The following NLRC4 variants were observed in gnomAD, a reference collection of about 807,000 sequenced individuals.
NLRC4 encodes NLR family CARD domain containing 4, also known as NLR family CARD domain-containing protein 4.
Under a neutral mutation model 79.9 loss-of-function variants are expected in NLRC4, and 63 were observed. That is an observed-to-expected ratio of 0.79 (90% CI 0.64 to 0.97). The LOEUF (loss-of-function observed/expected upper bound fraction) is 0.97, where lower values mean the gene tolerates loss of function less well. NLRC4 is among the 50% of genes least tolerant of loss of function. The pLI is 0.00. For synonymous variants in NLRC4, 461 were observed against 456.5 expected, an observed-to-expected ratio of 1.01 and a Z score of -0.12; for missense variants, 1,074 against 1,215.2, an observed-to-expected ratio of 0.88 and a Z score of 1.73.
intron 1 of NLRC4, among the ~76,000 whole-genome samples, chr2:32,262,169 G>A (rs978668843): frequency 2.0e-5 from 3 of 152,124 alleles, no homozygotes; most frequent in African/African-American, 4.8e-5. Context: ...TCAGGATTGC[G>A]TTCAAACTAC....
At position 32,251,389 on chromosome 2, in the gene NLRC4, GCAGGAGGC is replaced by G; in HGVS notation, c.467_474del (p.Gly156AlafsTer10). The G allele has an allele frequency of 6.2e-7, 1 of 1,614,072 alleles. No individual in the cohort carries two copies. Among genetic ancestry groups the G allele is most frequent in the Admixed American group, 1.7e-5 (1 of 60,020 alleles). On this transcript the variant is annotated frameshift_variant, in exon 4 of 9. Transcript: ENST00000402280. LOFTEE classifies it high-confidence loss of function. The stretch of plus-strand genomic sequence containing the variant: ...ATGATGCAGGGGCTCTGAAGAGCCT[GCAGGAGGC>G]CATTCAGGGTCAGCTGCTCCACGCG...
At chr2:32,235,260 G>A (rs533296691) in intron 8 of NLRC4, 141 bp downstream of exon 8, 53 of 639,650 alleles carry the variant, frequency 8.3e-5, no homozygotes, top group Admixed American at 1.3e-4. Flanking sequence ...TTACTCTAAC[G>A]TGAATGAATT....
intron 3 of NLRC4, among the ~76,000 whole-genome samples, chr2:32,251,942 T>C (rs1687088918): frequency 6.6e-6 from 1 of 152,170 alleles, no homozygotes; most frequent in Admixed American, 6.5e-5. Context: ...GCCTTCACTC[T>C]GAGTAAAATC....
rs1687022439 is a variant in NLRC4, at chr2:32,249,760, C to T, written c.2104G>A (p.Gly702Arg). 3 of 1,614,058 alleles carry T rather than the reference C, an allele frequency of 1.9e-6. No homozygotes were observed. Among genetic ancestry groups the T allele is most frequent in the African/African-American group, 1.3e-5 (1 of 74,928 alleles). Residue 702 changes from glycine (G) to arginine (R), a missense_variant, in exon 4 of 9, where the codon GGA (glycine) becomes AGA (arginine). Physicochemically the swap from Gly to Arg is moderately radical, Grantham distance 125. Transcript: ENST00000402280. ...GTGCTGAGGACCAAACTGAGGCTTC[C>T]AGCCACACCAGCACATCTCTTTATT... ...LQIKRCAGVA[G>R]SLSLVLSTCK...
chr2:32,234,306 A>T (rs1686622371), intron 8 of NLRC4, among the ~76,000 whole-genome samples: 1 of 151,986 alleles, frequency 6.6e-6, no homozygotes, highest in South Asian at 2.1e-4. Context: ...GGCATGAACT[A>T]GGGAGGTGGA....
chr2:32,250,322 T>C lies in NLRC4; in HGVS notation c.1542A>G (p.Gln514=), dbSNP rs35653927. The C allele has an allele frequency of 4.7e-3, 7,631 of 1,614,216 alleles. 259 individuals are homozygous for C. In the African/African-American group the frequency reaches 0.082, roughly 17 times the overall value. The stretch of plus-strand genomic sequence containing the variant: ...TGGAAAGTCCGAGAAGGCAGCCGTG[T>C]TGATACACTGCTGCGAGGTGCTTCA... The part of the protein sequence containing the change: ...AVMKHLAAVY[Q]HGCLLGLSIA... Residue 514 remains glutamine (Q), a synonymous_variant, in exon 4 of 9, where the codon CAA becomes CAG. Coordinates refer to ENST00000402280, the MANE Select transcript of NLRC4 (RefSeq NM_001199138.2). The surrounding 1 kb of genome is among the most constrained non-coding windows in gnomAD (Gnocchi z 4.9).
rs760629927 is a variant in NLRC4, at chr2:32,250,622, G to A, written c.1242C>T (p.Ser414=). Reference sequence around the variant, plus strand: ...TCAGCAGGACATCCTCATTCACGCTGGACACATCCTGCAGTTCGAAATCAA... The same window carrying A: ...TCAGCAGGACATCCTCATTCACGCTAGACACATCCTGCAGTTCGAAATCAA... The part of the protein sequence containing the change: ...HKFDFELQDV[S]SVNEDVLLTT... The change falls in exon 4 of 9, where the codon TCC becomes TCT. Residue 414 remains serine, a synonymous_variant. Transcript: ENST00000402280. The surrounding 1 kb of genome is among the most constrained non-coding windows in gnomAD (Gnocchi z 4.9). 3 of 1,614,114 alleles carry A rather than the reference G, an allele frequency of 1.9e-6. No individual in the cohort carries two copies. The highest frequency in any genetic ancestry group is 1.7e-5 in the Admixed American group (1 of 60,016).
chr2:32,249,793 T>C lies in NLRC4; in HGVS notation c.2071A>G (p.Arg691Gly), dbSNP rs2148941671. The part of the protein sequence containing the change: ...GKIFSSATSL[R>G]LQIKRCAGVA... The stretch of plus-strand genomic sequence containing the variant: ...CCAGCACATCTCTTTATTTGCAGCC[T>C]GAGGCTTGTGGCAGAGCTGAATATT... The change falls in exon 4 of 9, where the codon AGG becomes GGG. Residue 691 changes from arginine (R) to glycine (G), a missense_variant. Coordinates refer to ENST00000402280, the MANE Select transcript of NLRC4 (RefSeq NM_001199138.2). 6.2e-7 allele frequency: 1 copy of C among 1,614,222 alleles called. No individual in the cohort carries two copies. The highest frequency in any genetic ancestry group is 8.5e-7 in the Non-Finnish European group (1 of 1,180,030).
intron 8 of NLRC4, among the ~76,000 whole-genome samples, chr2:32,234,983 C>T (rs968131025): frequency 6.6e-6 from 1 of 152,176 alleles, no homozygotes; most frequent in Non-Finnish European, 1.5e-5. Context: ...CTATTTGTTT[C>T]TGGATAATAT....
chr2:32,246,957 A>G (rs1275957244), intron 4 of NLRC4, among the ~76,000 whole-genome samples: 1 of 152,080 alleles, frequency 6.6e-6, no homozygotes, highest in African/African-American at 2.4e-5. Context: ...TTTTTGTTGG[A>G]GACAGGGTCT....
intron 4 of NLRC4, among the ~76,000 whole-genome samples, chr2:32,243,135 G>A (rs1416169104): frequency 1.2e-4 from 18 of 152,098 alleles, no homozygotes; most frequent in Admixed American, 1.0e-3. Flanking sequence ...TTGAGGCTGG[G>A]CGAGGTGGCT....
chr2:32,265,642 G>A (rs1347911739), upstream of NLRC4: 45 of 152,400 alleles, frequency 3.0e-4, 1 homozygote, highest in Admixed American at 2.9e-3. Context: ...CAGTCAGCAG[G>A]GTTCTGGGCA....
chr2:32,233,038 G>A (rs1346256551), intron 8 of NLRC4, among the ~76,000 whole-genome samples: 2 of 149,208 alleles, frequency 1.3e-5, no homozygotes, highest in Non-Finnish European at 3.0e-5. Context: ...CTTGAGCCCA[G>A]AAGTTCAAGG....
In NLRC4 at chr2:32,233,467, T is replaced by C. The variant is rs186754278; in HGVS notation, c.2782+1934A>G. On this transcript the variant is annotated intron_variant, in intron 8 of 8. Coordinates refer to ENST00000402280, the MANE Select transcript of NLRC4 (RefSeq NM_001199138.2). ...TTGGCCTCTCAAAGTGCTGGGATTA[T>C]AGTCATCAGCTACCACACCCAGCCT... 6.0e-3 allele frequency among the ~76,000 whole-genome samples: 906 copies of C among 151,172 alleles called. 11 individuals carry two copies. The highest frequency in any genetic ancestry group is 0.021 in the African/African-American group (849 of 41,200).
At chr2:32,232,041 T>G (rs2148931705) in intron 8 of NLRC4, among the ~76,000 whole-genome samples, 1 of 152,270 alleles carries the variant, frequency 6.6e-6, no homozygotes, top group South Asian at 2.1e-4. Flanking sequence ...AGTCCCTCAG[T>G]TAGGATTGTT....
In NLRC4 at chr2:32,250,066, C is replaced by A. The variant is rs1291753489; in HGVS notation, c.1798G>T (p.Glu600Ter). The A allele has an allele frequency of 3.7e-6, 6 of 1,614,090 alleles. No individual in the cohort carries two copies. Among genetic ancestry groups the A allele is most frequent in the Non-Finnish European group, 5.1e-6 (6 of 1,179,998 alleles). ...NIPDYLFDFFEHLPNCASALD... is the reference protein window; with the variant it reads ...NIPDYLFDFF Reference sequence around the variant, plus strand: ...GCACTTGCACAATTGGGCAAATGTTCAAAGAAGTCAAATAAGTAATCGGGG... The same window carrying A: ...GCACTTGCACAATTGGGCAAATGTTAAAAGAAGTCAAATAAGTAATCGGGG... Residue 600 changes from glutamate (E) to a stop codon, truncating the protein, a stop_gained, in exon 4 of 9, where the codon GAA (glutamate) becomes TAA (stop). Transcript: ENST00000402280. LOFTEE classifies it high-confidence loss of function. The surrounding 1 kb of genome is among the most constrained non-coding windows in gnomAD (Gnocchi z 4.9).
chr2:32,230,476 T>TA (rs1686507073), intron 8 of NLRC4, among the ~76,000 whole-genome samples: 1 of 150,456 alleles, frequency 6.6e-6, no homozygotes, highest in Non-Finnish European at 1.5e-5. Context: ...CCGCTATTTT[T>TA]TTTTTTTTTT....
intron 1 of NLRC4, among the ~76,000 whole-genome samples, chr2:32,259,363 C>G (rs995207023): frequency 1.2e-4 from 17 of 147,114 alleles, no homozygotes; most frequent in African/African-American, 4.3e-4. Context: ...CTGCCTCAGT[C>G]TCCCAAAATG....
intron 8 of NLRC4, among the ~76,000 whole-genome samples, chr2:32,230,792 A>AG (rs1686514306): frequency 6.6e-6 from 1 of 152,186 alleles, no homozygotes; most frequent in African/African-American, 2.4e-5. Flanking sequence ...CTAGGAAGAG[A>AG]GTTGCTGGGT....
Sources: gnomAD v4.1 joint callset for allele counts (sites outside exome capture counted in the v4.1 genomes callset) on GRCh38, gnomAD v4.1.1 for gene constraint, Gnocchi (gnomAD v3.1) non-coding constraint, MANE v1.5 for transcripts, NCBI Gene and HGNC (gene_info 2026-07-23, HGNC 2026-07-21) for gene names.